SIPA1L1: variants seen among roughly 807,000 people sequenced by gnomAD.
SIPA1L1 encodes signal-induced proliferation-associated 1-like protein 1.
In SIPA1L1, 26 loss-of-function variants were observed where a neutral mutation model predicts 162.7. The observed-to-expected ratio is 0.16, with a 90% CI of 0.12 to 0.22. The LOEUF (loss-of-function observed/expected upper bound fraction) is 0.22, where lower values mean the gene tolerates loss of function less well. Among genes scored for constraint, SIPA1L1 ranks in the 10% least tolerant of loss-of-function variants. The probability of loss-of-function intolerance (pLI) is 1.00; values close to 1 mark genes in which losing one functional copy is unlikely to be tolerated. For synonymous variants in SIPA1L1, 829 were observed against 837.4 expected (o/e 0.99, Z 0.17); for missense variants, 1,874 against 2,241.0 (o/e 0.84, Z 3.31).
intron 7 of SIPA1L1, among the ~76,000 whole-genome samples, chr14:71,641,994 T>TG (rs889444160): frequency 2.0e-5 from 3 of 152,196 alleles, no homozygotes; most frequent in Non-Finnish European, 4.4e-5. Flanking sequence ...TTATACGCCT[T>TG]GCATTTACTC....
Position 71,529,445 on chromosome 14 carries a change from T to G in SIPA1L1, c.-303+75T>G, listed in dbSNP as rs180686023. The G allele has an allele frequency of 9.8e-5, 57 of 578,952 alleles. No individual in the cohort carries two copies. In the African/African-American group the frequency reaches 1.0e-3, roughly 10 times the overall value. 35.9% of individuals were successfully genotyped at this position (578,952 alleles called of 1,614,324 possible). A position where few individuals can be genotyped will look rare whatever the true frequency, so the allele number is the denominator to read the frequency against. ...GATTTTCTGTGTTTAAATTTCTGAT[T>G]AGAGAAATGAAAACATAGAAACAAA... On this transcript the variant is annotated intron_variant, in intron 4 of 23. Transcript: ENST00000381232.
chr14:71,539,231 ACT>A (rs1265177136), intron 4 of SIPA1L1, among the ~76,000 whole-genome samples: 1 of 152,084 alleles, frequency 6.6e-6, no homozygotes, highest in Non-Finnish European at 1.5e-5. Flanking sequence ...ATATAAAAAC[ACT>A]CTCTCATAAG....
chr14:71,733,292 T>C (rs924322813), intron 20 of SIPA1L1, among the ~76,000 whole-genome samples: 7 of 152,192 alleles, frequency 4.6e-5, no homozygotes, highest in Admixed American at 3.9e-4. Context: ...AGCTCCCTGT[T>C]GAAGTAGGCC....
chr14:71,538,988 G>A (rs1263980991), intron 4 of SIPA1L1, among the ~76,000 whole-genome samples: 1 of 152,144 alleles, frequency 6.6e-6, no homozygotes, highest in East Asian at 1.9e-4. Flanking sequence ...AGAACACAGT[G>A]GTCTACAAAG....
At chr14:71,346,309 A>G (rs2036162518) in intron 2 of SIPA1L1, among the ~76,000 whole-genome samples, 1 of 152,244 alleles carries the variant, frequency 6.6e-6, no homozygotes, top group South Asian at 2.1e-4. Context: ...GAGACATCTG[A>G]TAAGTCTTAG....
chr14:71,693,900 G>A (rs1171602601), intron 13 of SIPA1L1, among the ~76,000 whole-genome samples: 1 of 152,142 alleles, frequency 6.6e-6, no homozygotes, highest in East Asian at 1.9e-4. Flanking sequence ...GCTGTTTGAA[G>A]TGCTCTCACT....
At chr14:71,463,604 G>T (rs1318421842) in intron 2 of SIPA1L1, among the ~76,000 whole-genome samples, 3 of 152,164 alleles carry the variant, frequency 2.0e-5, no homozygotes, top group Non-Finnish European at 4.4e-5. Flanking sequence ...TGCATAAATT[G>T]TTGGTAATGT....
At chr14:71,642,291 C>T (rs974860485) in intron 7 of SIPA1L1, among the ~76,000 whole-genome samples, 12 of 152,078 alleles carry the variant, frequency 7.9e-5, no homozygotes, top group Non-Finnish European at 1.5e-4. Context: ...CAGTTAAAGG[C>T]CAGAAGCCTC....
intron 2 of SIPA1L1, among the ~76,000 whole-genome samples, chr14:71,457,932 G>A (rs1286605561): frequency 6.6e-6 from 1 of 152,052 alleles, no homozygotes; most frequent in African/African-American, 2.4e-5. Flanking sequence ...TTCCTTATAT[G>A]TCCTAGATTC....
intron 4 of SIPA1L1, among the ~76,000 whole-genome samples, chr14:71,544,019 A>ACG (rs1567179740): frequency 1.4e-4 from 20 of 147,168 alleles, no homozygotes; most frequent in African/African-American, 1.9e-4. Context: ...ATATATACAC[A>ACG]TACGCACATG....
chr14:71,576,366 A>G (rs1165907731), intron 4 of SIPA1L1, among the ~76,000 whole-genome samples: 1 of 152,342 alleles, frequency 6.6e-6, no homozygotes, highest in African/African-American at 2.4e-5. Context: ...CGAGTTAGTG[A>G]GATAATGAGC....
At chr14:71,345,906 G>A (rs1233095424) in intron 2 of SIPA1L1, among the ~76,000 whole-genome samples, 1 of 150,702 alleles carries the variant, frequency 6.6e-6, no homozygotes, top group Non-Finnish European at 1.5e-5. Context: ...GAATAAATTT[G>A]TATAATTTAT....
At chr14:71,534,484 C>T (rs577215567) in intron 4 of SIPA1L1, among the ~76,000 whole-genome samples, 2 of 152,110 alleles carry the variant, frequency 1.3e-5, no homozygotes, top group South Asian at 2.1e-4. Context: ...GAGTTTTATG[C>T]GTGATTATAT....
At chr14:71,552,595 A>G (rs1596074912) in intron 4 of SIPA1L1, among the ~76,000 whole-genome samples, 1 of 151,624 alleles carries the variant, frequency 6.6e-6, no homozygotes, top group African/African-American at 2.4e-5. Flanking sequence ...ACGGGGTTTC[A>G]CCGTGTTAGC....
chr14:71,626,036 G>C (rs1351087290), intron 7 of SIPA1L1, among the ~76,000 whole-genome samples: 1 of 152,134 alleles, frequency 6.6e-6, no homozygotes, highest in Non-Finnish European at 1.5e-5. Flanking sequence ...ACACTATAAA[G>C]AGTTGAACTC....
At chr14:71,513,764 C>T (rs1567132718) in intron 3 of SIPA1L1, among the ~76,000 whole-genome samples, 1 of 152,154 alleles carries the variant, frequency 6.6e-6, no homozygotes, top group Non-Finnish European at 1.5e-5. Context: ...ACAGGGGTTA[C>T]AGGAGTAAGC....
intron 2 of SIPA1L1, among the ~76,000 whole-genome samples, chr14:71,419,717 T>C (rs946436932): frequency 1.3e-5 from 2 of 151,874 alleles, no homozygotes; most frequent in Non-Finnish European, 2.9e-5. Flanking sequence ...CAGGATGGTC[T>C]TGATCTCCTG....
At chr14:71,479,940 T>C (rs1366533431) in intron 2 of SIPA1L1, among the ~76,000 whole-genome samples, 1 of 152,058 alleles carries the variant, frequency 6.6e-6, no homozygotes, top group East Asian at 1.9e-4. Flanking sequence ...GCCCTTACTA[T>C]ATTGTCCAGG....
chr14:71,534,745 C>G (rs1340639092), intron 4 of SIPA1L1, among the ~76,000 whole-genome samples: 1 of 152,108 alleles, frequency 6.6e-6, no homozygotes, highest in African/African-American at 2.4e-5. Context: ...GATGGTATCC[C>G]CATTGTATTA....
Sources: allele counts gnomAD v4.1 joint callset (sites outside exome capture counted in the v4.1 genomes callset), GRCh38; gene constraint gnomAD v4.1.1; transcripts MANE v1.5; gene names NCBI Gene and HGNC (gene_info 2026-07-23, HGNC 2026-07-21).